PCDHGA5: variants seen among roughly 807,000 people sequenced by gnomAD.
The protein encoded by PCDHGA5 is protocadherin gamma subfamily A, 5, also known as protocadherin gamma-A5.
In PCDHGA5, 36 loss-of-function variants were observed where a neutral mutation model predicts 56.7. The ratio of observed to expected loss-of-function variants is 0.64; its 90% CI spans 0.49 to 0.84. The LOEUF is 0.84. Ranked by LOEUF, PCDHGA5 falls within the 40% of genes least tolerant of loss-of-function variation. The probability of loss-of-function intolerance (pLI) is 0.00; values close to 1 mark genes in which losing one functional copy is unlikely to be tolerated. For synonymous variants in PCDHGA5, 563 were observed against 520.2 expected, an observed-to-expected ratio of 1.08 and a Z score of -1.12; for missense variants, 1,305 against 1,201.5, an observed-to-expected ratio of 1.09 and a Z score of -1.27.
At chr5:141,396,546 G>A (rs2093396215) in intron 1 of PCDHGA5, 1 of 152,118 alleles carries the variant, frequency 6.6e-6, no homozygotes, top group Non-Finnish European at 1.5e-5. Context: ...CTTGAACCCG[G>A]GAGGTGGAGG....
chr5:141,448,956 C>A (rs2098619571), intron 1 of PCDHGA5, among the ~76,000 whole-genome samples: 1 of 151,948 alleles, frequency 6.6e-6, no homozygotes, highest in Non-Finnish European at 1.5e-5. Context: ...AAAAAACAAA[C>A]AAACAAACAA....
intron 1 of PCDHGA5, among the ~76,000 whole-genome samples, chr5:141,443,771 A>G (rs1031470429): frequency 9.2e-5 from 14 of 152,238 alleles, no homozygotes; most frequent in African/African-American, 3.1e-4. Context: ...ATACAATATT[A>G]CCAAAAAGAC....
intron 1 of PCDHGA5, chr5:141,372,314 G>A (rs369724462): frequency 7.7e-5 from 125 of 1,613,460 alleles, no homozygotes; most frequent in Non-Finnish European, 1.0e-4. Context: ...CCGCCCGCCA[G>A]CGCCTGCTGG....
rs751024373 is a variant in PCDHGA5, at chr5:141,491,801, G to A, written c.2422-3006G>A. On this transcript the variant is annotated intron_variant, in intron 1 of 3. Coordinates refer to ENST00000518069, the MANE Select transcript of PCDHGA5 (RefSeq NM_018918.3). The surrounding 1 kb of genome is among the most constrained non-coding windows in gnomAD (Gnocchi z 6.9). ...AACTTGCATCCACTCCTCTCCGGCC[G>A]GCTTGGTCGCTGGCTGCGCTCCACC... 2.7e-6 allele frequency: 4 copies of A among 1,500,726 alleles called. No homozygotes were observed. The Admixed American group carries it at 7.3e-5, about 28-fold the overall frequency. 93.0% of individuals were successfully genotyped at this position (1,500,726 alleles called of 1,614,324 possible). A position where few individuals can be genotyped will look rare whatever the true frequency, so the allele number is the denominator to read the frequency against.
Position 141,477,833 on chromosome 5 carries a change from G to C in PCDHGA5, c.2422-16974G>C. Reference sequence around the variant, plus strand: ...CCCCCAGGTCCTATATCCTCGGCCAGGTGGGAGCTCGGTGGAGATGCTGCC... The same window carrying C: ...CCCCCAGGTCCTATATCCTCGGCCACGTGGGAGCTCGGTGGAGATGCTGCC... On this transcript the variant is annotated intron_variant, in intron 1 of 3. Transcript: ENST00000518069. This position sits in a 1 kb window ranked among gnomAD's most constrained non-coding sequence, Gnocchi z 4.9. The C allele has an allele frequency of 6.2e-7, 1 of 1,614,174 alleles. No individual in the cohort carries two copies.
intron 1 of PCDHGA5, chr5:141,415,853 GTAGT>G: frequency 2.5e-6 from 3 of 1,186,350 alleles, no homozygotes; most frequent in Non-Finnish European, 3.3e-6. Context: ...GCAGAACCTT[GTAGT>G]TTATAGTGTT....
At chr5:141,374,514 A>G (rs762655024) in intron 1 of PCDHGA5, 6 of 1,612,112 alleles carry the variant, frequency 3.7e-6, no homozygotes, top group Non-Finnish European at 4.2e-6. Context: ...AAAATTCTCG[A>G]AAACGCAGCT....
chr5:141,433,032 C>G, intron 1 of PCDHGA5: 1 of 1,614,188 alleles, frequency 6.2e-7, no homozygotes, highest in Non-Finnish European at 8.5e-7. Context: ...CACGAGGTTT[C>G]CCTCACCACG....
intron 1 of PCDHGA5, chr5:141,478,046 C>A (rs762982394): frequency 3.7e-6 from 6 of 1,614,172 alleles, no homozygotes; most frequent in Non-Finnish European, 5.1e-6. Flanking sequence ...CAGGCAGACT[C>A]TCACGGTCTT....
chr5:141,492,320 G>A (rs1001784912), intron 1 of PCDHGA5, among the ~76,000 whole-genome samples: 1 of 152,206 alleles, frequency 6.6e-6, no homozygotes. Flanking sequence ...CTCCTCGCAC[G>A]TGGGCTTACG....
At position 141,478,749 on chromosome 5, in the gene PCDHGA5, G is replaced by A. The variant is rs1306895064; in HGVS notation, c.2422-16058G>A. On this transcript the variant is annotated intron_variant, in intron 1 of 3. Coordinates refer to ENST00000518069, the MANE Select transcript of PCDHGA5 (RefSeq NM_018918.3). ...GAGTGTGGTTTGTGGTCCCATTTCA[G>A]GGGGAAGATACTTGACTCATCTGTG... The A allele has an allele frequency of 3.3e-6, 5 of 1,524,326 alleles. No homozygotes were observed. The South Asian group carries it at 6.4e-5, about 19-fold the overall frequency. The allele number at this position is 1,524,326 out of a possible 1,614,324, so 94.4% of individuals were successfully genotyped here.
At chr5:141,433,220 T>C (rs781745522) in intron 1 of PCDHGA5, 1 of 1,509,734 alleles carries the variant, frequency 6.6e-7, no homozygotes, top group South Asian at 1.2e-5. Flanking sequence ...TTTTTTTTTT[T>C]AATTGCTCTG....
chr5:141,421,527 GTCC>G (rs2096581302), intron 1 of PCDHGA5: 1 of 1,614,050 alleles, frequency 6.2e-7, no homozygotes, highest in African/African-American at 1.3e-5. Flanking sequence ...GTGAGACGGT[GTCC>G]TCCTGTTTTT....
chr5:141,412,385 A>G (rs1041538045), intron 1 of PCDHGA5: 8 of 152,236 alleles, frequency 5.3e-5, no homozygotes, highest in African/African-American at 1.9e-4. Flanking sequence ...AAATAGGTCC[A>G]TTTAACTTGT....
intron 1 of PCDHGA5, chr5:141,479,417 T>A (rs2099495481): frequency 6.6e-6 from 1 of 152,210 alleles, no homozygotes; most frequent in Non-Finnish European, 1.5e-5. Context: ...ACTATGCTGA[T>A]CAATTGATCA....
At chr5:141,408,500 A>G in intron 1 of PCDHGA5, 1 of 1,614,018 alleles carries the variant, frequency 6.2e-7, no homozygotes, top group Non-Finnish European at 8.5e-7. Context: ...CAAAGAGAGA[A>G]GAAGATGTGA....
intron 1 of PCDHGA5, among the ~76,000 whole-genome samples, chr5:141,401,931 A>C: frequency 6.6e-6 from 1 of 152,352 alleles, no homozygotes; most frequent in Middle Eastern, 3.4e-3. Context: ...GATGCTTAGA[A>C]TAATGTTTAA....
intron 1 of PCDHGA5, among the ~76,000 whole-genome samples, chr5:141,469,802 CATT>C (rs2099211643): frequency 6.6e-6 from 1 of 152,022 alleles, no homozygotes; most frequent in Admixed American, 6.6e-5. Context: ...ATTGCAAAAA[CATT>C]GTAGATAGAA....
chr5:141,470,972 C>T (rs1186771156), intron 1 of PCDHGA5, among the ~76,000 whole-genome samples: 3 of 151,988 alleles, frequency 2.0e-5, no homozygotes, highest in Non-Finnish European at 4.4e-5. Flanking sequence ...CCACCTCAGC[C>T]TCCCAAAGTG....
Sources: gnomAD v4.1 joint callset for allele counts (sites outside exome capture counted in the v4.1 genomes callset) on GRCh38, gnomAD v4.1.1 for gene constraint, Gnocchi (gnomAD v3.1) non-coding constraint, MANE v1.5 for transcripts, NCBI Gene and HGNC (gene_info 2026-07-23, HGNC 2026-07-21) for gene names.